Variants in SS18L1 observed in about 807,000 individuals in gnomAD.
SS18L1 encodes SS18L1 subunit of BAF chromatin remodeling complex.
Under a neutral mutation model 70.3 loss-of-function variants are expected in SS18L1, and 32 were observed. That is an observed-to-expected ratio of 0.46 (90% CI 0.34 to 0.61). SS18L1 has a LOEUF of 0.61. Among genes scored for constraint, SS18L1 ranks in the 20% least tolerant of loss-of-function variants. The pLI is 0.01. For synonymous variants in SS18L1, 237 were observed against 229.7 expected, an observed-to-expected ratio of 1.03 and a Z score of -0.29; for missense variants, 430 against 542.1, an observed-to-expected ratio of 0.79 and a Z score of 2.05.
intron 8 of SS18L1, among the ~76,000 whole-genome samples, chr20:62,168,663 C>T (rs573913676): frequency 1.1e-3 from 162 of 152,166 alleles, no homozygotes; most frequent in African/African-American, 3.8e-3. Context: ...TACTAAAAAA[C>T]ATTAGCCAGG....
intron 8 of SS18L1, among the ~76,000 whole-genome samples, chr20:62,169,752 C>T (rs2057496662): frequency 6.6e-6 from 1 of 151,948 alleles, no homozygotes; most frequent in South Asian, 2.1e-4. Context: ...GCACTCCAGC[C>T]TGGGGCGGCA....
chr20:62,164,095 G>A, intron 6 of SS18L1, 50 bp from the exon 7 acceptor site: 1 of 1,509,762 alleles, frequency 6.6e-7, no homozygotes, highest in Non-Finnish European at 9.0e-7. Flanking sequence ...CAGGTCCTCT[G>A]AGGGAGGAGG....
Position 62,180,137 on chromosome 20 carries a change from G to C in SS18L1, c.*929G>C, listed in dbSNP as rs1201882621. ...TCAAACCAAATCTTCCCAACAGTTGGCAAGTTGTTTATTTTATATTATTTC... is the reference window on the plus strand; with the variant it reads ...TCAAACCAAATCTTCCCAACAGTTGCCAAGTTGTTTATTTTATATTATTTC... On this transcript the variant is annotated 3_prime_UTR_variant, in exon 11 of 11. Coordinates refer to ENST00000331758, the MANE Select transcript of SS18L1 (RefSeq NM_198935.3). 4.8e-6 allele frequency: 1 copy of C among 209,632 alleles called. No homozygotes were observed. Among genetic ancestry groups the C allele is most frequent in the African/African-American group, 2.3e-5 (1 of 43,928 alleles). The allele number at this position is 209,632 out of a possible 1,614,324, so 13.0% of individuals were successfully genotyped here. A position where few individuals can be genotyped will look rare whatever the true frequency, so the allele number is the denominator to read the frequency against.
intron 8 of SS18L1, among the ~76,000 whole-genome samples, chr20:62,167,331 C>T (rs1359134248): frequency 5.3e-5 from 8 of 151,042 alleles, no homozygotes; most frequent in African/African-American, 1.9e-4. Flanking sequence ...GCGTGAGCCA[C>T]CGCGCCCGGC....
intron 1 of SS18L1, among the ~76,000 whole-genome samples, chr20:62,153,363 T>A (rs190974686): frequency 2.0e-5 from 3 of 152,202 alleles, no homozygotes; most frequent in Admixed American, 2.0e-4. Context: ...TCAGGAGTAA[T>A]GCCTCCCACC....
At chr20:62,155,828 A>G (rs1169070159) in intron 1 of SS18L1, among the ~76,000 whole-genome samples, 1 of 152,066 alleles carries the variant, frequency 6.6e-6, no homozygotes, top group Non-Finnish European at 1.5e-5. Context: ...TGTGCTTTTC[A>G]GCTTCCAAAC....
rs557251228 is a variant in SS18L1 at position 62,181,458 on chromosome 20, G to A, written c.*2250G>A. ...TTATTTTTATTCCTTGCCAATCTGG[G>A]AATATGCCTTTTTTGTGTGTTTGTG... On this transcript the variant is annotated 3_prime_UTR_variant, in exon 11 of 11. Transcript: ENST00000331758. 1.6e-3 allele frequency: 330 copies of A among 211,038 alleles called. No individual in the cohort carries two copies. Among genetic ancestry groups the A allele is most frequent in the Middle Eastern group, 7.4e-3 (5 of 674 alleles). 13.1% of individuals were successfully genotyped at this position (211,038 alleles called of 1,614,324 possible).
rs6121525 is a variant in SS18L1 at position 62,172,441 on chromosome 20, G to A, written c.917-241G>A. Among the ~76,000 whole-genome samples, 9,642 of 152,188 alleles carry A rather than the reference G, an allele frequency of 0.063. 522 individuals are homozygous for A. Among genetic ancestry groups the A allele is most frequent in the African/African-American group, 0.15 (6,112 of 41,494 alleles). On this transcript the variant is annotated intron_variant, in intron 8 of 10. Coordinates refer to ENST00000331758, the MANE Select transcript of SS18L1 (RefSeq NM_198935.3). ...TCTCTGGGGAGCACATTTGACCCGC[G>A]ACGCTGGCGTTCATCTCTGTCTTAG... is the stretch of plus-strand genomic sequence containing the variant.
Position 62,179,326 on chromosome 20 carries a change from C to A in SS18L1, c.*118C>A. ...GTTACCTGTTCGCCCAGTGCCACGT[C>A]TGCATGTGAAGCGTGCTCATTTCAT... On this transcript the variant is annotated 3_prime_UTR_variant, in exon 11 of 11. Coordinates refer to ENST00000331758, the MANE Select transcript of SS18L1 (RefSeq NM_198935.3). The A allele has an allele frequency of 8.7e-7, 1 of 1,148,776 alleles. No homozygotes were observed. The highest frequency in any genetic ancestry group is 1.3e-5 in the South Asian group (1 of 77,696). 71.2% of individuals were successfully genotyped at this position (1,148,776 alleles called of 1,614,324 possible). A position where few individuals can be genotyped will look rare whatever the true frequency, so the allele number is the denominator to read the frequency against.
chr20:62,150,902 C>T (rs1017621606), intron 1 of SS18L1, among the ~76,000 whole-genome samples: 3 of 152,076 alleles, frequency 2.0e-5, no homozygotes, highest in African/African-American at 4.8e-5. Flanking sequence ...CAGACGCTTC[C>T]AGAATCGGCA....
chr20:62,155,528 T>G (rs1372203294), intron 1 of SS18L1, among the ~76,000 whole-genome samples: 1 of 152,236 alleles, frequency 6.6e-6, no homozygotes, highest in Admixed American at 6.5e-5. Context: ...GCCGCACCGC[T>G]GTGGCTTCTG....
At chr20:62,178,840 G>A (rs933881841) in intron 10 of SS18L1, among the ~76,000 whole-genome samples, 8 of 152,166 alleles carry the variant, frequency 5.3e-5, no homozygotes, top group East Asian at 1.9e-4. Flanking sequence ...TAGCAGGCTC[G>A]GGGGCAGATG....
Position 62,180,605 on chromosome 20 carries a change from T to TA in SS18L1, c.*1401dup, listed in dbSNP as rs2057691568. 5.8e-6 allele frequency: 1 copy of TA among 173,544 alleles called. No individual in the cohort carries two copies. Among genetic ancestry groups the TA allele is most frequent in the South Asian group, 2.0e-4 (1 of 5,014 alleles). The allele number at this position is 173,544 out of a possible 1,614,324, so 10.8% of individuals were successfully genotyped here. A position where few individuals can be genotyped will look rare whatever the true frequency, so the allele number is the denominator to read the frequency against. On this transcript the variant is annotated 3_prime_UTR_variant, in exon 11 of 11. Coordinates refer to ENST00000331758, the MANE Select transcript of SS18L1 (RefSeq NM_198935.3). Reference sequence around the variant, plus strand: ...TTAATTGATGTTTTGTTTTAAAAGTTAAAAGTAATTCTTGGCGTGGTGGTT... The same window carrying TA: ...TTAATTGATGTTTTGTTTTAAAAGTTAAAAAGTAATTCTTGGCGTGGTGGTT...
Position 62,150,633 on chromosome 20 carries a change from A to ATTTTTTTTTTTTTTTTTTTTTT in SS18L1, c.69+6760_69+6781dup, listed in dbSNP as rs34708339. On this transcript the variant is annotated intron_variant, in intron 1 of 10. Transcript: ENST00000331758. ...CGGAGCATAAGAAACATTGAGGTGG[A>ATTTTTTTTTTTTTTTTTTTTTT]TTTTTTTTTTTTTTTTTTTTTTTTT... is the stretch of plus-strand genomic sequence containing the variant. Among the ~76,000 whole-genome samples the ATTTTTTTTTTTTTTTTTTTTTT allele has an allele frequency of 3.4e-5, 2 of 58,030 alleles. 1 individual carries two copies. 38.1% of individuals were successfully genotyped at this position (58,030 alleles called of 152,430 possible).
intron 1 of SS18L1, among the ~76,000 whole-genome samples, chr20:62,149,890 G>A (rs952585290): frequency 3.9e-5 from 6 of 152,204 alleles, no homozygotes; most frequent in Non-Finnish European, 7.3e-5. Context: ...TACAGACGTC[G>A]CGTGTTGCTA....
Position 62,161,630 on chromosome 20 carries a change from C to T in SS18L1, c.376+50C>T, listed in dbSNP as rs374994209. ...GTTCCTGGCTACGAGGCCACCAAGG[C>T]AGCCCTTGGGCAGCCGGCTGCCATG... On this transcript the variant is annotated intron_variant, in intron 4 of 10. Transcript: ENST00000331758. This position sits in a 1 kb window ranked among gnomAD's most constrained non-coding sequence, Gnocchi z 4.4. The T allele has an allele frequency of 7.4e-5, 117 of 1,577,764 alleles. No individual in the cohort carries two copies. The highest frequency in any genetic ancestry group is 1.7e-4 in the Admixed American group (10 of 58,030).
At chr20:62,168,179 T>G (rs189404556) in intron 8 of SS18L1, among the ~76,000 whole-genome samples, 87 of 152,132 alleles carry the variant, frequency 5.7e-4, no homozygotes, top group African/African-American at 2.0e-3. Context: ...CCATCATTGA[T>G]GAGAAATTTG....
At chr20:62,148,799 C>T (rs2057077864) in intron 1 of SS18L1, among the ~76,000 whole-genome samples, 1 of 152,264 alleles carries the variant, frequency 6.6e-6, no homozygotes, top group Admixed American at 6.5e-5. Context: ...GCTCCTGAAG[C>T]TGCTCTCCCA....
At position 62,161,341 on chromosome 20, in the gene SS18L1, C is replaced by T. The variant is rs977013739; in HGVS notation, c.232-95C>T. 88 of 1,579,828 alleles carry T rather than the reference C, an allele frequency of 5.6e-5. No individual in the cohort carries two copies. The highest frequency in any genetic ancestry group is 7.2e-5 in the Non-Finnish European group (83 of 1,152,828). On this transcript the variant is annotated intron_variant, in intron 3 of 10. Coordinates refer to ENST00000331758, the MANE Select transcript of SS18L1 (RefSeq NM_198935.3). The surrounding 1 kb of genome is among the most constrained non-coding windows in gnomAD (Gnocchi z 4.4). ...ACCAGGTGGCCATGATGTGTGGCGG[C>T]AAATCTCGGGTGCCCTCTCATCCCT...
Sources: allele counts gnomAD v4.1 joint callset (sites outside exome capture counted in the v4.1 genomes callset), GRCh38; gene constraint gnomAD v4.1.1; non-coding constraint Gnocchi (gnomAD v3.1); transcripts MANE v1.5; gene names NCBI Gene and HGNC (gene_info 2026-07-23, HGNC 2026-07-21).